The following KMT5C variants were observed in gnomAD, a reference collection of about 807,000 sequenced individuals.
The protein encoded by KMT5C is histone-lysine N-methyltransferase KMT5C.
A neutral mutation model predicts 38.2 loss-of-function variants in KMT5C; 16 were observed. The ratio of observed to expected loss-of-function variants is 0.42; its 90% CI spans 0.28 to 0.64. KMT5C has a LOEUF of 0.64. KMT5C is among the 30% of genes least tolerant of loss of function. The probability of loss-of-function intolerance (pLI) is 0.23; values close to 1 mark genes in which losing one functional copy is unlikely to be tolerated. For missense variants in KMT5C, 598 were observed against 665.1 expected (o/e 0.90, Z 1.11); for synonymous variants, 291 against 279.0 (o/e 1.04, Z -0.43).
At position 55,343,573 on chromosome 19, in the gene KMT5C, C is replaced by T. The variant is rs2089584747; in HGVS notation, c.387-107C>T. On this transcript the variant is annotated intron_variant, in intron 4 of 8. Transcript: ENST00000255613. This position sits in a 1 kb window ranked among gnomAD's most constrained non-coding sequence, Gnocchi z 5.5. ...ATCGCCAATAGCCAGCACCAGCGCC[C>T]AGGAGTCCCTCCTTCCTGGGTGCCT... 1 of 1,106,548 alleles carries T rather than the reference C, an allele frequency of 9.0e-7. No individual in the cohort carries two copies. The highest frequency in any genetic ancestry group is 1.6e-5 in the African/African-American group (1 of 64,012). 68.5% of individuals were successfully genotyped at this position (1,106,548 alleles called of 1,614,324 possible). A position where few individuals can be genotyped will look rare whatever the true frequency, so the allele number is the denominator to read the frequency against.
Position 55,347,499 on chromosome 19 carries a change from G to A in KMT5C, c.*50G>A. The A allele has an allele frequency of 1.3e-6, 2 of 1,494,838 alleles. No individual in the cohort carries two copies. The allele number at this position is 1,494,838 out of a possible 1,614,324, so 92.6% of individuals were successfully genotyped here. The stretch of plus-strand genomic sequence containing the variant: ...GGGAGAGAGGGTCTCTCTCCTAGCT[G>A]CTACCCAGGACCTCCAGAAGGAGCC... On this transcript the variant is annotated 3_prime_UTR_variant, in exon 9 of 9. Transcript: ENST00000255613. This position sits in a 1 kb window ranked among gnomAD's most constrained non-coding sequence, Gnocchi z 4.6.
intron 6 of KMT5C, 48 bp downstream of exon 6, chr19:55,344,045 G>A: frequency 6.3e-7 from 1 of 1,593,302 alleles, no homozygotes; most frequent in Non-Finnish European, 8.6e-7. Flanking sequence ...AAGAAAGGGT[G>A]CCTGTGGCCT....
Position 55,347,875 on chromosome 19 carries a change from G to A in KMT5C, c.*426G>A, listed in dbSNP as rs1208925225. On this transcript the variant is annotated 3_prime_UTR_variant, in exon 9 of 9. Transcript: ENST00000255613. This position sits in a 1 kb window ranked among gnomAD's most constrained non-coding sequence, Gnocchi z 4.6. ...CAGAGACTGCCCTCACGAGGGGACT[G>A]GGTTCGCTCTCAGCTCTGCAGCTGT... The A allele has an allele frequency of 5.8e-6, 1 of 171,152 alleles. No homozygotes were observed. The highest frequency in any genetic ancestry group is 1.2e-5 in the Non-Finnish European group (1 of 81,292). 10.6% of individuals were successfully genotyped at this position (171,152 alleles called of 1,614,324 possible). A position where few individuals can be genotyped will look rare whatever the true frequency, so the allele number is the denominator to read the frequency against.
chr19:55,341,415 G>C (rs1208268277), intron 1 of KMT5C, among the ~76,000 whole-genome samples: 4 of 152,026 alleles, frequency 2.6e-5, no homozygotes, highest in Admixed American at 1.3e-4. Context: ...TGGAGGGCGG[G>C]ACCTCGGGCT....
intron 1 of KMT5C, among the ~76,000 whole-genome samples, chr19:55,341,036 G>A (rs1476230414): frequency 6.6e-6 from 1 of 152,242 alleles, no homozygotes; most frequent in Non-Finnish European, 1.5e-5. Flanking sequence ...CCTCTCCTGG[G>A]CGCGGATGAG....
In KMT5C at chr19:55,347,281, T is replaced by C. The variant is rs932747236; in HGVS notation, c.1221T>C (p.Arg407=). The C allele has an allele frequency of 6.4e-7, 1 of 1,559,646 alleles. No individual in the cohort carries two copies. The highest frequency in any genetic ancestry group is 1.4e-5 in the African/African-American group (1 of 73,784). ...CTTACGTGGTGCGTGTGGACCTTCGTCGCCTGGCCCCAGCCCCACCAGCTA... is the reference window on the plus strand; with the variant it reads ...CTTACGTGGTGCGTGTGGACCTTCGCCGCCTGGCCCCAGCCCCACCAGCTA... ...GLPYVVRVDL[R]RLAPAPPATP... The change falls in exon 9 of 9, where the codon CGT becomes CGC. Residue 407 remains arginine (R), a synonymous_variant. Transcript: ENST00000255613. This position sits in a 1 kb window ranked among gnomAD's most constrained non-coding sequence, Gnocchi z 4.6.
At chr19:55,340,087 C>T (rs1253385456) in intron 1 of KMT5C, 130 bp downstream of exon 1, 1 of 151,740 alleles carries the variant, frequency 6.6e-6, no homozygotes, top group African/African-American at 2.4e-5. Context: ...GTCCAGGCGC[C>T]CACGTCTCCC....
chr19:55,341,456 G>A (rs111965155), intron 1 of KMT5C, among the ~76,000 whole-genome samples: 104 of 152,332 alleles, frequency 6.8e-4, no homozygotes, highest in African/African-American at 2.4e-3. Context: ...CCTCCTTGAG[G>A]GCTAGAGGTG....
At position 55,346,072 on chromosome 19, in the gene KMT5C, C is replaced by T. The variant is rs939707538; in HGVS notation, c.571-141C>T. The T allele has an allele frequency of 1.8e-5, 18 of 1,006,072 alleles. No homozygotes were observed. The Admixed American group carries it at 2.2e-4, about 12-fold the overall frequency. 62.3% of individuals were successfully genotyped at this position (1,006,072 alleles called of 1,614,324 possible). ...CAGGCCCTCGGCAAGGCAGCCGCCT[C>T]GGAATGCCACTTTTAGGGGCTCAGC... On this transcript the variant is annotated intron_variant, in intron 6 of 8. Transcript: ENST00000255613.
chr19:55,342,787 A>T lies in KMT5C; in HGVS notation c.322A>T (p.Ile108Phe). 6.2e-7 allele frequency: 1 copy of T among 1,613,378 alleles called. No individual in the cohort carries two copies. Among genetic ancestry groups the T allele is most frequent in the Non-Finnish European group, 8.5e-7 (1 of 1,179,624 alleles). ...CTTCCTGCCGGAAAGTGGCTTTACC[A>T]TCCTGCCCTGCACGCGCTACTCCAT... ...RAFLPESGFTILPCTRYSMET... is the reference protein window; with the variant it reads ...RAFLPESGFTFLPCTRYSMET... The change falls in exon 4 of 9, where the codon ATC becomes TTC. Residue 108 changes from isoleucine to phenylalanine, a missense_variant. Transcript: ENST00000255613.
intron 6 of KMT5C, chr19:55,345,145 C>A (rs1204640687): frequency 2.3e-6 from 1 of 436,790 alleles, no homozygotes; most frequent in East Asian, 7.1e-5. Flanking sequence ...AGCTCTCCAG[C>A]GATCTAGAAC....
intron 4 of KMT5C, 34 bp downstream of exon 4, chr19:55,342,885 G>A (rs759984135): frequency 1.6e-6 from 2 of 1,280,142 alleles, no homozygotes; most frequent in Admixed American, 3.4e-5. Flanking sequence ...GGTATCCTTG[G>A]AGGAGACAGA....
rs902647199 is a variant in KMT5C, at chr19:55,346,523, C to A, written c.731C>A (p.Thr244Asn). Residue 244 changes from threonine to asparagine, a missense_variant, in exon 8 of 9, where the codon ACC becomes AAC. Physicochemically the swap from Thr to Asn is moderately conservative, Grantham distance 65. This residue lies in a region of KMT5C where 105 missense variants were observed against 179.2 expected (regional missense o/e 0.59). Coordinates refer to ENST00000255613, the MANE Select transcript of KMT5C (RefSeq NM_032701.4). Reference protein sequence around the residue: ...CERKGEGAFRTRPREPALPPR... With the variant: ...CERKGEGAFRNRPREPALPPR... Reference sequence around the variant, plus strand: ...AGGAAAGGTGAAGGAGCTTTCCGAACCAGGCCTAGGGAGCCCGCGTTGCCA... The same window carrying A: ...AGGAAAGGTGAAGGAGCTTTCCGAAACAGGCCTAGGGAGCCCGCGTTGCCA... The A allele has an allele frequency of 1.3e-6, 2 of 1,597,502 alleles. No individual in the cohort carries two copies. The highest frequency in any genetic ancestry group is 1.7e-5 in the Admixed American group (1 of 57,760).
In KMT5C at chr19:55,343,173, A is replaced by AGCCCCT. The variant is rs71181758; in HGVS notation, c.386+337_386+342dup. On this transcript the variant is annotated intron_variant, in intron 4 of 8. Transcript: ENST00000255613. The surrounding 1 kb of genome is among the most constrained non-coding windows in gnomAD (Gnocchi z 5.5). Reference sequence around the variant, plus strand: ...TTAAACACCCCTGAGTGCAATGAGGAGCCCCTGCCCCTGCCCCTGCGGGGT... The same window carrying AGCCCCT: ...TTAAACACCCCTGAGTGCAATGAGGAGCCCCTGCCCCTGCCCCTGCCCCTGCGGGGT... The AGCCCCT allele has an allele frequency of 5.9e-3, 1,542 of 260,406 alleles. 16 individuals carry two copies. Among genetic ancestry groups the AGCCCCT allele is most frequent in the East Asian group, 0.017 (205 of 11,790 alleles). The allele number at this position is 260,406 out of a possible 1,614,324, so 16.1% of individuals were successfully genotyped here.
intron 4 of KMT5C, 99 bp downstream of exon 4, chr19:55,342,950 G>C (rs1403457652): frequency 2.6e-6 from 2 of 768,858 alleles, no homozygotes; most frequent in East Asian, 5.3e-5. Context: ...CCGGGGAAAA[G>C]CGAGGGGCCT....
At chr19:55,346,450 TCTCATCTCCCTTCCACCCGGC>T (rs2089618066) in intron 7 of KMT5C, 29 bp from the exon 8 acceptor site, 9 of 1,597,862 alleles carry the variant, frequency 5.6e-6, no homozygotes, top group Non-Finnish European at 7.7e-6. Flanking sequence ...AACCCCAGCC[TCTCATCTCCCTTCCACCCGGC>T]CTCATCTCCC....
At position 55,347,057 on chromosome 19, in the gene KMT5C, C is replaced by T. The variant is rs1455993896; in HGVS notation, c.997C>T (p.Arg333Trp). ...LPQPQPRVRP[R>W]KRRRPRPRRA... The stretch of plus-strand genomic sequence containing the variant: ...TCAGCCCCAGCCCCGAGTGCGGCCC[C>T]GGAAGCGCCGACGCCCCCGGCCCCG... The change falls in exon 9 of 9, where the codon CGG becomes TGG. Residue 333 changes from arginine to tryptophan, a missense_variant. Coordinates refer to ENST00000255613, the MANE Select transcript of KMT5C (RefSeq NM_032701.4). The surrounding 1 kb of genome is among the most constrained non-coding windows in gnomAD (Gnocchi z 4.6). 8 of 1,578,016 alleles carry T rather than the reference C, an allele frequency of 5.1e-6. No homozygotes were observed. Among genetic ancestry groups the T allele is most frequent in the Non-Finnish European group, 6.0e-6 (7 of 1,165,484 alleles).
At position 55,342,328 on chromosome 19, in the gene KMT5C, C is replaced by CCCGCTACTTCCAGAGCCGG; in HGVS notation, c.225_243dup (p.Gly82ProfsTer58). On this transcript the variant is annotated frameshift_variant, in exon 3 of 9. Coordinates refer to ENST00000255613, the MANE Select transcript of KMT5C (RefSeq NM_032701.4). LOFTEE classifies it high-confidence loss of function. ...GCCCTGACGCTGGGAGGCTGGACGG[C>CCCGCTACTTCCAGAGCCGG]CCGCTACTTCCAGAGCCGGGGCCCG... 1 of 1,566,806 alleles carries CCCGCTACTTCCAGAGCCGG rather than the reference C, an allele frequency of 6.4e-7. No homozygotes were observed. The highest frequency in any genetic ancestry group is 8.6e-7 in the Non-Finnish European group (1 of 1,157,868).
In KMT5C at chr19:55,343,160, G is replaced by T; in HGVS notation, c.386+309G>T. On this transcript the variant is annotated intron_variant, in intron 4 of 8. Transcript: ENST00000255613. This position sits in a 1 kb window ranked among gnomAD's most constrained non-coding sequence, Gnocchi z 5.5. The stretch of plus-strand genomic sequence containing the variant: ...CCCCCACCACATGTTAAACACCCCT[G>T]AGTGCAATGAGGAGCCCCTGCCCCT... The T allele has an allele frequency of 2.8e-6, 1 of 363,480 alleles. No individual in the cohort carries two copies. The highest frequency in any genetic ancestry group is 5.1e-6 in the Non-Finnish European group (1 of 194,516). 22.5% of individuals were successfully genotyped at this position (363,480 alleles called of 1,614,324 possible). A position where few individuals can be genotyped will look rare whatever the true frequency, so the allele number is the denominator to read the frequency against.
Sources: allele counts gnomAD v4.1 joint callset (sites outside exome capture counted in the v4.1 genomes callset), GRCh38; gene constraint gnomAD v4.1.1; regional missense constraint gnomAD v4.1.1; non-coding constraint Gnocchi (gnomAD v3.1); transcripts MANE v1.5; gene names NCBI Gene and HGNC (gene_info 2026-07-23, HGNC 2026-07-21).